The following VPS45 variants were observed in gnomAD, a reference collection of about 807,000 sequenced individuals.
VPS45 encodes the protein vacuolar protein sorting-associated protein 45.
A neutral mutation model predicts 75.9 loss-of-function variants in VPS45; 35 were observed. The ratio of observed to expected loss-of-function variants is 0.46; its 90% confidence interval spans 0.35 to 0.61. The LOEUF is 0.61. VPS45 is among the 20% of genes least tolerant of loss of function. The pLI, the probability that VPS45 is intolerant of heterozygous loss-of-function variation, is 0.00. For missense variants in VPS45, 559 were observed against 685.9 expected (o/e 0.81, Z 2.07); for synonymous variants, 220 against 238.2 (o/e 0.92, Z 0.70).
At chr1:150,135,337 A>C (rs1391187757) in intron 14 of VPS45, among the ~76,000 whole-genome samples, 2 of 152,072 alleles carry the variant, frequency 1.3e-5, no homozygotes, top group African/African-American at 4.8e-5. Flanking sequence ...ATCTCGGCTC[A>C]CTACAACCTC....
chr1:150,128,359 A>G (rs782359310), intron 14 of VPS45, among the ~76,000 whole-genome samples: 2 of 152,048 alleles, frequency 1.3e-5, no homozygotes, highest in Admixed American at 6.6e-5. Flanking sequence ...TTTCATAACT[A>G]TCTGAAATGA....
chr1:150,110,576 C>T lies in VPS45; in HGVS notation c.1574C>T (p.Thr525Ile). The T allele has an allele frequency of 1.2e-6, 2 of 1,613,848 alleles. No individual in the cohort carries two copies. The highest frequency in any genetic ancestry group is 1.7e-6 in the Non-Finnish European group (2 of 1,179,868). ...ALTVYNLNRTTPGVRIVLGGT... is the reference protein window; with the variant it reads ...ALTVYNLNRTIPGVRIVLGGT... ...ACAGTTTATAACCTGAACCGCACCA[C>T]TCCTGGAGTGAGGATTGTCCTGGGA... The change falls in exon 14 of 15, where the codon ACT becomes ATT. Residue 525 changes from threonine (T) to isoleucine (I), a missense_variant. By Grantham distance (89) the Thr-to-Ile change is moderately conservative (BLOSUM62 -1). Transcript: ENST00000644510.
chr1:150,102,792 C>G (rs1028498536), intron 13 of VPS45, among the ~76,000 whole-genome samples: 2 of 152,140 alleles, frequency 1.3e-5, no homozygotes, highest in East Asian at 1.9e-4. Context: ...ACTGCATGTT[C>G]TCACTTACAA....
intron 14 of VPS45, among the ~76,000 whole-genome samples, chr1:150,126,752 G>A (rs1658541246): frequency 1.3e-5 from 2 of 152,090 alleles, no homozygotes; most frequent in South Asian, 4.1e-4. Flanking sequence ...GATCATTTGA[G>A]GCCAGGGGTT....
intron 14 of VPS45, chr1:150,142,948 G>A (rs781786675): frequency 5.7e-5 from 21 of 371,140 alleles, no homozygotes; most frequent in African/African-American, 1.1e-4. Context: ...CACTGCACCC[G>A]TCCATCCAAA....
intron 14 of VPS45, among the ~76,000 whole-genome samples, chr1:150,120,538 A>G (rs1187120118): frequency 2.6e-5 from 4 of 152,238 alleles, no homozygotes; most frequent in African/African-American, 7.2e-5. Flanking sequence ...AGATCCTAAT[A>G]GGAAATATAC....
intron 13 of VPS45, among the ~76,000 whole-genome samples, chr1:150,105,510 C>T (rs1229407743): frequency 6.6e-5 from 10 of 152,074 alleles, no homozygotes; most frequent in Admixed American, 2.6e-4. Context: ...AGAGCTCAGT[C>T]CCATTTACAA....
intron 3 of VPS45, among the ~76,000 whole-genome samples, chr1:150,073,601 T>C (rs1280979012): frequency 6.6e-6 from 1 of 152,096 alleles, no homozygotes; most frequent in African/African-American, 2.4e-5. Flanking sequence ...CTTTTTAAAA[T>C]TAAACTTTCT....
At chr1:150,091,214 T>C (rs1656307758) in intron 10 of VPS45, among the ~76,000 whole-genome samples, 1 of 152,220 alleles carries the variant, frequency 6.6e-6, no homozygotes, top group Non-Finnish European at 1.5e-5. Context: ...CTTTAACTTA[T>C]CTGTGTGCCT....
chr1:150,115,526 T>C (rs1657885524), intron 14 of VPS45, among the ~76,000 whole-genome samples: 1 of 152,228 alleles, frequency 6.6e-6, no homozygotes, highest in Non-Finnish European at 1.5e-5. Context: ...CATTAACTCA[T>C]GATGAAGCAT....
At chr1:150,144,664 G>C in intron 14 of VPS45, 45 bp from the exon 15 acceptor site, 1 of 1,530,492 alleles carries the variant, frequency 6.5e-7, no homozygotes, top group Non-Finnish European at 8.9e-7. Context: ...TATTTTTGGA[G>C]ATGCTTTTGT....
intron 14 of VPS45, among the ~76,000 whole-genome samples, chr1:150,123,695 G>A (rs782593385): frequency 6.6e-6 from 1 of 152,134 alleles, no homozygotes; most frequent in Non-Finnish European, 1.5e-5. Context: ...AGTTAGCTGT[G>A]TGAGCTGAGA....
Position 150,082,806 on chromosome 1 carries a change from A to T in VPS45, c.1027A>T (p.Ser343Cys), listed in dbSNP as rs782687135. The T allele has an allele frequency of 1.2e-6, 2 of 1,614,208 alleles. No homozygotes were observed. The highest frequency in any genetic ancestry group is 1.7e-6 in the Non-Finnish European group (2 of 1,180,042). ...GGTTGGAGAACTGTCTCGATTGGTC[A>T]GTGAACGGAATCTGCTGGAGGTTTC... ...TVVGELSRLV[S>C]ERNLLEVSEV... Residue 343 changes from serine to cysteine, a missense_variant, in exon 10 of 15, where the codon AGT becomes TGT. Physicochemically the swap from Ser to Cys is moderately radical, Grantham distance 112. Coordinates refer to ENST00000644510, the MANE Select transcript of VPS45 (RefSeq NM_007259.5).
Position 150,077,077 on chromosome 1 carries a change from A to G in VPS45, c.439-17A>G, listed in dbSNP as rs1655430983. The G allele has an allele frequency of 1.2e-6, 2 of 1,613,788 alleles. No homozygotes were observed. Among genetic ancestry groups the G allele is most frequent in the South Asian group, 1.1e-5 (1 of 91,020 alleles). ...AAATTCAAATATTTTCTCTGAATAT[A>G]TGTTTTTAACAAAAAGGGTCGAAAT... On this transcript the variant is annotated splice_polypyrimidine_tract_variant and intron_variant, in intron 5 of 14. Transcript: ENST00000644510.
intron 7 of VPS45, among the ~76,000 whole-genome samples, chr1:150,078,621 G>T (rs190369306): frequency 6.6e-6 from 1 of 151,782 alleles, no homozygotes; most frequent in Non-Finnish European, 1.5e-5. Flanking sequence ...AATTAGCCGG[G>T]TGTGGTTGCA....
intron 13 of VPS45, among the ~76,000 whole-genome samples, chr1:150,104,274 G>C (rs2101595108): frequency 6.6e-6 from 1 of 152,164 alleles, no homozygotes; most frequent in East Asian, 1.9e-4. Context: ...GTGAGAATAT[G>C]CTATATTTGA....
At chr1:150,078,460 G>A (rs1170035425) in intron 7 of VPS45, among the ~76,000 whole-genome samples, 1 of 152,082 alleles carries the variant, frequency 6.6e-6, no homozygotes, top group African/African-American at 2.4e-5. Flanking sequence ...AAATACTGCT[G>A]TTAAAACCAC....
intron 14 of VPS45, among the ~76,000 whole-genome samples, chr1:150,121,592 G>A (rs148553938): frequency 6.6e-6 from 1 of 152,250 alleles, no homozygotes; most frequent in African/African-American, 2.4e-5. Context: ...TGTAGGGGAG[G>A]GGGAATGTCA....
At chr1:150,077,008 A>G (rs1553798245) in intron 5 of VPS45, 24 bp downstream of exon 5, 9 of 1,613,954 alleles carry the variant, frequency 5.6e-6, no homozygotes, top group East Asian at 2.2e-5. Flanking sequence ...GGTTTAATTT[A>G]TCAGTCGAGA....
Sources: gnomAD v4.1 joint callset for allele counts (sites outside exome capture counted in the v4.1 genomes callset) on GRCh38, gnomAD v4.1.1 for gene constraint, MANE v1.5 for transcripts, NCBI Gene and HGNC (gene_info 2026-07-23, HGNC 2026-07-21) for gene names.